The following USP25 variants were observed in gnomAD, a reference collection of about 807,000 sequenced individuals.
USP25 encodes ubiquitin specific peptidase 25.
USP25 carries 85 observed loss-of-function variants against 158.5 expected under a neutral mutation model. The ratio of observed to expected loss-of-function variants is 0.54; its 90% CI spans 0.45 to 0.64. The LOEUF (loss-of-function observed/expected upper bound fraction) is 0.64. USP25 is among the 30% of genes least tolerant of loss of function. USP25 has a pLI of 0.00. For synonymous variants in USP25, 464 were observed against 460.4 expected (o/e 1.01, Z -0.10); for missense variants, 1,242 against 1,327.3 (o/e 0.94, Z 1.00).
chr21:15,818,401 A>G (rs1277177123), intron 9 of USP25, among the ~76,000 whole-genome samples: 1 of 152,186 alleles, frequency 6.6e-6, no homozygotes, highest in Non-Finnish European at 1.5e-5. Flanking sequence ...ACTGCTGTAT[A>G]TATTCCCAGT....
At chr21:15,739,364 A>T (rs532635724) in intron 1 of USP25, among the ~76,000 whole-genome samples, 3 of 152,282 alleles carry the variant, frequency 2.0e-5, no homozygotes, top group Non-Finnish European at 4.4e-5. Context: ...TTTAACTAAA[A>T]GATATTGTAG....
At chr21:15,804,355 G>A (rs1045109054) in intron 6 of USP25, among the ~76,000 whole-genome samples, 3 of 151,240 alleles carry the variant, frequency 2.0e-5, no homozygotes, top group Non-Finnish European at 4.4e-5. Context: ...CTCCTATTAG[G>A]ATCTGGTCTA....
intron 1 of USP25, among the ~76,000 whole-genome samples, chr21:15,748,779 AC>A (rs943799347): frequency 6.6e-6 from 1 of 152,176 alleles, no homozygotes; most frequent in African/African-American, 2.4e-5. Context: ...GCTTAATTTG[AC>A]AGATGGCAGT....
intron 21 of USP25, 36 bp downstream of exon 21, chr21:15,864,482 G>A: frequency 2.6e-6 from 4 of 1,514,492 alleles, no homozygotes; most frequent in Middle Eastern, 1.8e-4. Context: ...TGCTCAAATC[G>A]TTCTTTTTTT....
chr21:15,748,909 A>G (rs1309509707), intron 1 of USP25, among the ~76,000 whole-genome samples: 1 of 152,164 alleles, frequency 6.6e-6, no homozygotes, highest in African/African-American at 2.4e-5. Context: ...TGTCAACTAT[A>G]CTGCATTTCT....
At chr21:15,782,648 C>A (rs928863613) in intron 4 of USP25, among the ~76,000 whole-genome samples, 2 of 152,140 alleles carry the variant, frequency 1.3e-5, no homozygotes, top group African/African-American at 4.8e-5. Flanking sequence ...GGTGAGGATT[C>A]CAGCTGAATA....
chr21:15,743,623 G>T (rs1157985323), intron 1 of USP25, among the ~76,000 whole-genome samples: 1 of 152,182 alleles, frequency 6.6e-6, no homozygotes, highest in Admixed American at 6.5e-5. Flanking sequence ...TTGGGAAAGA[G>T]TAGGCAAAAA....
At chr21:15,737,506 A>T (rs1457848695) in intron 1 of USP25, among the ~76,000 whole-genome samples, 1 of 152,040 alleles carries the variant, frequency 6.6e-6, no homozygotes, top group East Asian at 1.9e-4. Flanking sequence ...CTTTACTTTC[A>T]TTTGAGTGTA....
chr21:15,782,583 A>C (rs983157246), intron 4 of USP25, among the ~76,000 whole-genome samples: 2 of 152,148 alleles, frequency 1.3e-5, no homozygotes, highest in Non-Finnish European at 2.9e-5. Flanking sequence ...AAACCATGCC[A>C]CCACAGTCAT....
intron 20 of USP25, among the ~76,000 whole-genome samples, chr21:15,858,071 A>G (rs1392732387): frequency 1.3e-5 from 2 of 152,224 alleles, no homozygotes; most frequent in East Asian, 3.9e-4. Flanking sequence ...TGGACAATAC[A>G]CTGAATACCA....
rs1406066036 is a variant in USP25, at chr21:15,766,815, A to G, written c.268+674A>G. 6.6e-6 allele frequency among the ~76,000 whole-genome samples: 1 copy of G among 152,080 alleles called. No individual in the cohort carries two copies. Among genetic ancestry groups the G allele is most frequent in the African/African-American group, 2.4e-5 (1 of 41,442 alleles). ...TTTAATAATTGTACTACATAAAAAT[A>G]GTTACTTTTATGCCTTATGGATTTG... On this transcript the variant is annotated intron_variant, in intron 3 of 25. Coordinates refer to ENST00000400183, the MANE Select transcript of USP25 (RefSeq NM_001283041.3). The surrounding 1 kb of genome is among the most constrained non-coding windows in gnomAD (Gnocchi z 4.0).
At chr21:15,747,659 T>C (rs1291965578) in intron 1 of USP25, among the ~76,000 whole-genome samples, 1 of 152,210 alleles carries the variant, frequency 6.6e-6, no homozygotes, top group African/African-American at 2.4e-5. Flanking sequence ...AGATGGCTGC[T>C]GACTACTAAG....
intron 7 of USP25, among the ~76,000 whole-genome samples, chr21:15,806,232 G>T (rs1295654841): frequency 6.6e-6 from 1 of 151,814 alleles, no homozygotes; most frequent in African/African-American, 2.4e-5. Flanking sequence ...TTTTACAGTT[G>T]ATTCCAAACC....
chr21:15,824,056 A>G lies in USP25; in HGVS notation c.1098A>G (p.Leu366=). ...CCTTTCAGCATTGGTTTACTGAATTACCACCTGTGTTAACATTTGAATTGT... is the reference window on the plus strand; with the variant it reads ...CCTTTCAGCATTGGTTTACTGAATTGCCACCTGTGTTAACATTTGAATTGT... ...KSGQEHWFTE[L]PPVLTFELSR... is the part of the protein sequence containing the mutation. Residue 366 remains leucine, a synonymous_variant, in exon 11 of 26, where the codon TTA becomes TTG. Coordinates refer to ENST00000400183, the MANE Select transcript of USP25 (RefSeq NM_001283041.3). 1 of 1,613,292 alleles carries G rather than the reference A, an allele frequency of 6.2e-7. No homozygotes were observed. The highest frequency in any genetic ancestry group is 8.5e-7 in the Non-Finnish European group (1 of 1,179,618).
At chr21:15,773,928 T>C (rs962104515) in intron 3 of USP25, among the ~76,000 whole-genome samples, 2 of 152,164 alleles carry the variant, frequency 1.3e-5, no homozygotes, top group African/African-American at 4.8e-5. Context: ...AGAACTAGAG[T>C]CTCCAATGTG....
At chr21:15,817,627 TG>T (rs893219322) in intron 9 of USP25, among the ~76,000 whole-genome samples, 1 of 152,062 alleles carries the variant, frequency 6.6e-6, no homozygotes, top group African/African-American at 2.4e-5. Context: ...AATCATGGGC[TG>T]GGGAGGCCTA....
chr21:15,848,513 G>C (rs1460809587), intron 19 of USP25, among the ~76,000 whole-genome samples: 1 of 151,420 alleles, frequency 6.6e-6, no homozygotes, highest in Non-Finnish European at 1.5e-5. Context: ...TTTTTGAACA[G>C]GAACACAGAG....
At position 15,826,318 on chromosome 21, in the gene USP25, C is replaced by T. The variant is rs373428495; in HGVS notation, c.1419C>T (p.Asp473=). Reference sequence around the variant, plus strand: ...GCACTTCTCCTGTTGACGATATTGACGCTAGTTCCCCACCTAGTGGTTCCA... The same window carrying T: ...GCACTTCTCCTGTTGACGATATTGATGCTAGTTCCCCACCTAGTGGTTCCA... ...PVCTSPVDDI[D]ASSPPSGSIP... Residue 473 remains aspartate, a synonymous_variant, in exon 13 of 26, where the codon GAC becomes GAT. Coordinates refer to ENST00000400183, the MANE Select transcript of USP25 (RefSeq NM_001283041.3). This position sits in a 1 kb window ranked among gnomAD's most constrained non-coding sequence, Gnocchi z 4.8. 350 of 1,614,078 alleles carry T rather than the reference C, an allele frequency of 2.2e-4. 4 individuals are homozygous for T. The East Asian group carries it at 3.7e-3, about 17-fold the overall frequency.
At chr21:15,858,155 T>C (rs1241751708) in intron 20 of USP25, among the ~76,000 whole-genome samples, 3 of 152,122 alleles carry the variant, frequency 2.0e-5, no homozygotes, top group Non-Finnish European at 4.4e-5. Context: ...TTTTGTTCTT[T>C]TATAAACAGG....
Sources: allele counts gnomAD v4.1 joint callset (sites outside exome capture counted in the v4.1 genomes callset), GRCh38; gene constraint gnomAD v4.1.1; non-coding constraint Gnocchi (gnomAD v3.1); transcripts MANE v1.5; gene names NCBI Gene and HGNC (gene_info 2026-07-23, HGNC 2026-07-21).